MYO9A: variants seen among roughly 807,000 people sequenced by gnomAD.
MYO9A encodes myosin IXA, also known as unconventional myosin-IXa.
A neutral mutation model predicts 293.3 loss-of-function variants in MYO9A; 103 were observed. The observed-to-expected ratio is 0.35, with a 90% CI of 0.30 to 0.41. The LOEUF (loss-of-function observed/expected upper bound fraction) is 0.41, where lower values mean the gene tolerates loss of function less well. Ranked by LOEUF, MYO9A falls within the 10% of genes least tolerant of loss-of-function variation. MYO9A has a pLI of 1.00. For missense variants in MYO9A, 2,685 were observed against 3,033.0 expected (o/e 0.89, Z 2.69); for synonymous variants, 1,001 against 1,035.7 (o/e 0.97, Z 0.64).
intron 1 of MYO9A, among the ~76,000 whole-genome samples, chr15:72,056,862 C>A (rs1234801813): frequency 6.6e-6 from 1 of 152,116 alleles, no homozygotes; most frequent in African/African-American, 2.4e-5. Context: ...GTAATCCCTG[C>A]ACTTTGGGAG....
intron 12 of MYO9A, among the ~76,000 whole-genome samples, chr15:71,971,267 C>T (rs893344986): frequency 1.3e-4 from 19 of 151,758 alleles, no homozygotes; most frequent in African/African-American, 4.6e-4. Flanking sequence ...ATAAGATGTG[C>T]ATTCAATGAA....
At chr15:71,941,604 T>A (rs997272418) in intron 15 of MYO9A, among the ~76,000 whole-genome samples, 24 of 152,128 alleles carry the variant, frequency 1.6e-4, no homozygotes, top group Non-Finnish European at 3.1e-4. Flanking sequence ...GCAGAAAAAA[T>A]TTTTGAAAAA....
At chr15:72,003,425 G>A (rs185413972) in intron 8 of MYO9A, among the ~76,000 whole-genome samples, 26 of 151,554 alleles carry the variant, frequency 1.7e-4, no homozygotes, top group African/African-American at 5.8e-4. Context: ...GGCCGGGCGC[G>A]GTGGCCCACG....
intron 1 of MYO9A, among the ~76,000 whole-genome samples, chr15:72,101,763 CTGGGAAGTGAG>C (rs2080340929): frequency 6.9e-6 from 1 of 144,222 alleles, no homozygotes; most frequent in African/African-American, 2.5e-5. Flanking sequence ...GCCGCCCCTA[CTGGGAAGTGAG>C]GAGCCCCTCT....
intron 10 of MYO9A, 119 bp from the exon 11 acceptor site, chr15:71,991,356 T>C: frequency 2.9e-6 from 2 of 687,954 alleles, no homozygotes; most frequent in Non-Finnish European, 4.5e-6. Context: ...GGGGATTGTG[T>C]TTGGCCAGTA....
intron 39 of MYO9A, among the ~76,000 whole-genome samples, chr15:71,841,820 T>G (rs949533106): frequency 6.7e-6 from 1 of 149,776 alleles, no homozygotes; most frequent in Non-Finnish European, 1.5e-5. Flanking sequence ...GTTTTTTTTG[T>G]TTTTTTTGTA....
chr15:72,079,864 T>A (rs762217503), intron 1 of MYO9A, among the ~76,000 whole-genome samples: 10 of 152,196 alleles, frequency 6.6e-5, no homozygotes, highest in Non-Finnish European at 1.2e-4. Context: ...TAAACTAACA[T>A]TGGAGACAGA....
At chr15:71,829,636 T>TAATA (rs1345848800) in intron 40 of MYO9A, among the ~76,000 whole-genome samples, 1 of 151,980 alleles carries the variant, frequency 6.6e-6, no homozygotes, top group African/African-American at 2.4e-5. Flanking sequence ...GATCTTTGGC[T>TAATA]AATAACCTTC....
At chr15:71,988,373 C>A (rs894105485) in intron 11 of MYO9A, among the ~76,000 whole-genome samples, 4 of 152,130 alleles carry the variant, frequency 2.6e-5, no homozygotes, top group African/African-American at 9.7e-5. Context: ...TGGCTTTAGA[C>A]AACATCTGAA....
chr15:71,911,751 A>T (rs1015296184), intron 19 of MYO9A, among the ~76,000 whole-genome samples: 1 of 152,224 alleles, frequency 6.6e-6, no homozygotes, highest in Non-Finnish European at 1.5e-5. Flanking sequence ...CATCCCAGTC[A>T]TAACTTAAGG....
At chr15:72,024,252 T>C (rs1181821864) in intron 4 of MYO9A, among the ~76,000 whole-genome samples, 1 of 152,190 alleles carries the variant, frequency 6.6e-6, no homozygotes, top group Non-Finnish European at 1.5e-5. Context: ...AGTAACTACA[T>C]AGGTAAATAT....
intron 1 of MYO9A, among the ~76,000 whole-genome samples, chr15:72,075,570 T>C (rs2079324631): frequency 6.6e-6 from 1 of 151,466 alleles, no homozygotes; most frequent in South Asian, 2.1e-4. Flanking sequence ...ATAGACTTAA[T>C]AACAGATGAG....
chr15:71,977,268 G>A (rs951117504), intron 12 of MYO9A, among the ~76,000 whole-genome samples: 3 of 152,088 alleles, frequency 2.0e-5, no homozygotes, highest in African/African-American at 7.2e-5. Context: ...GTCTTGCTCT[G>A]TCGCCCAGGC....
At chr15:71,889,201 A>C (rs1019492985) in intron 26 of MYO9A, among the ~76,000 whole-genome samples, 2 of 152,282 alleles carry the variant, frequency 1.3e-5, no homozygotes, top group African/African-American at 4.8e-5. Context: ...TTGAATGTTC[A>C]GCTTGAGTAC....
At chr15:71,916,152 G>A (rs2058005588) in intron 19 of MYO9A, among the ~76,000 whole-genome samples, 1 of 151,806 alleles carries the variant, frequency 6.6e-6, no homozygotes, top group Admixed American at 6.6e-5. Flanking sequence ...AACAAATATT[G>A]AGATATCCAT....
At chr15:71,892,365 G>A (rs1387857123) in intron 26 of MYO9A, 4 of 152,174 alleles carry the variant, frequency 2.6e-5, no homozygotes, top group African/African-American at 9.7e-5. Context: ...TTTCTTATTA[G>A]TGGAAAGTGA....
chr15:72,086,926 C>A (rs2079755531), intron 1 of MYO9A, among the ~76,000 whole-genome samples: 2 of 152,190 alleles, frequency 1.3e-5, no homozygotes, highest in South Asian at 4.1e-4. Flanking sequence ...CACCACACAC[C>A]CAGCTAATTT....
At chr15:71,835,055 T>TA (rs2054884831) in intron 39 of MYO9A, among the ~76,000 whole-genome samples, 2 of 152,104 alleles carry the variant, frequency 1.3e-5, no homozygotes, top group South Asian at 4.1e-4. Flanking sequence ...AAAAGTCTGA[T>TA]AAAACCTCAA....
chr15:71,983,450 GTTT>G (rs1179001532), intron 11 of MYO9A, among the ~76,000 whole-genome samples: 28 of 115,278 alleles, frequency 2.4e-4, no homozygotes, highest in African/African-American at 8.3e-4. Context: ...ACATTAAATA[GTTT>G]TTTATTTTTT....
Sources: gnomAD v4.1 joint callset for allele counts (sites outside exome capture counted in the v4.1 genomes callset) on GRCh38, gnomAD v4.1.1 for gene constraint, MANE v1.5 for transcripts, NCBI Gene and HGNC (gene_info 2026-07-23, HGNC 2026-07-21) for gene names.